The following ANKS1B variants were observed in gnomAD, a reference collection of about 807,000 sequenced individuals.
The protein encoded by ANKS1B is ankyrin repeat and sterile alpha motif domain containing 1B.
ANKS1B carries 36 observed loss-of-function variants against 148.3 expected under a neutral mutation model. The ratio of observed to expected loss-of-function variants is 0.24; its 90% confidence interval spans 0.19 to 0.32. ANKS1B has a LOEUF of 0.32. Among genes scored for constraint, ANKS1B ranks in the 10% least tolerant of loss-of-function variants. ANKS1B has a pLI of 1.00. For synonymous variants in ANKS1B, 542 were observed against 560.8 expected, an observed-to-expected ratio of 0.97 and a Z score of 0.47; for missense variants, 1,157 against 1,542.6, an observed-to-expected ratio of 0.75 and a Z score of 4.19.
At chr12:99,112,756 G>A (rs1566155727) in intron 15 of ANKS1B, among the ~76,000 whole-genome samples, 2 of 152,150 alleles carry the variant, frequency 1.3e-5, no homozygotes, top group African/African-American at 4.8e-5. Flanking sequence ...TGGAAATAGA[G>A]GTCATGGATA....
intron 17 of ANKS1B, among the ~76,000 whole-genome samples, chr12:98,959,791 C>T (rs979357921): frequency 6.6e-6 from 1 of 152,146 alleles, no homozygotes; most frequent in Non-Finnish European, 1.5e-5. Context: ...GCATTCATCA[C>T]AAGCTGACTG....
intron 1 of ANKS1B, among the ~76,000 whole-genome samples, chr12:99,911,642 T>G (rs2094008130): frequency 6.6e-6 from 1 of 152,194 alleles, no homozygotes. Flanking sequence ...TTATTAACTT[T>G]TTACTATAAA....
intron 25 of ANKS1B, among the ~76,000 whole-genome samples, chr12:98,763,166 T>C (rs1344754603): frequency 6.6e-6 from 1 of 152,208 alleles, no homozygotes; most frequent in Non-Finnish European, 1.5e-5. Context: ...TATATTTTGC[T>C]TGTACTTGTT....
At chr12:99,663,687 G>A (rs973849305) in intron 8 of ANKS1B, among the ~76,000 whole-genome samples, 16 of 148,950 alleles carry the variant, frequency 1.1e-4, no homozygotes, top group South Asian at 2.4e-4. Context: ...ACTATGTATG[G>A]TGATATTTTA....
chr12:98,735,731 G>A (rs2097769459), intron 9 of ANKS1B: 16 of 589,464 alleles, frequency 2.7e-5, no homozygotes, highest in Middle Eastern at 2.6e-4. Context: ...ATTGTGGTAG[G>A]TATTGGGAAC....
chr12:99,019,439 G>T (rs1193047682), intron 17 of ANKS1B, among the ~76,000 whole-genome samples: 2 of 152,062 alleles, frequency 1.3e-5, no homozygotes, highest in African/African-American at 4.8e-5. Flanking sequence ...GCTATTGTTT[G>T]GAAGAATCTG....
Position 99,497,523 on chromosome 12 carries a change from G to A in ANKS1B, c.1438+6953C>T, listed in dbSNP as rs953456893. Among the ~76,000 whole-genome samples the A allele has an allele frequency of 3.3e-5, 5 of 152,100 alleles. No individual in the cohort carries two copies. In the East Asian group the frequency reaches 9.6e-4, roughly 29 times the overall value. On this transcript the variant is annotated intron_variant, in intron 10 of 26. Coordinates refer to ENST00000683438, the MANE Select transcript of ANKS1B (RefSeq NM_001352186.2). ...GAAGGATCTGTCCCAGGCCTCCTTG[G>A]TTTGCGAATGGCTGCCTTTTCCTGT...
At chr12:99,762,051 T>A (rs557705088) in intron 8 of ANKS1B, among the ~76,000 whole-genome samples, 1 of 151,996 alleles carries the variant, frequency 6.6e-6, no homozygotes, top group Non-Finnish European at 1.5e-5. Context: ...TCAGAGATGA[T>A]ACAAAGAAAT....
rs574991767 is a variant in ANKS1B at position 99,013,187 on chromosome 12, C to G, written c.2778+39970G>C. 3.7e-4 allele frequency among the ~76,000 whole-genome samples: 57 copies of G among 152,322 alleles called. No individual in the cohort carries two copies. In the East Asian group the frequency reaches 9.3e-3, roughly 25 times the overall value. On this transcript the variant is annotated intron_variant, in intron 17 of 26. Coordinates refer to ENST00000683438, the MANE Select transcript of ANKS1B (RefSeq NM_001352186.2). ...GTCATTAATCCTGGGTGCCCAGACA[C>G]ATTCCATTAGAGGATTTTGGCAACA...
intron 17 of ANKS1B, among the ~76,000 whole-genome samples, chr12:98,962,423 C>T (rs1245725974): frequency 6.7e-6 from 1 of 149,740 alleles, no homozygotes; most frequent in Admixed American, 6.7e-5. Flanking sequence ...TATATTTTCA[C>T]CCAGTGCTAG....
At chr12:98,790,363 T>C (rs1459517855) in intron 22 of ANKS1B, among the ~76,000 whole-genome samples, 2 of 152,232 alleles carry the variant, frequency 1.3e-5, no homozygotes, top group Non-Finnish European at 2.9e-5. Context: ...GTGTCTTAGT[T>C]ACTTCATCTG....
chr12:99,457,300 A>G (rs888528208), intron 10 of ANKS1B, among the ~76,000 whole-genome samples: 1 of 152,090 alleles, frequency 6.6e-6, no homozygotes, highest in Non-Finnish European at 1.5e-5. Context: ...AATCCTCGAA[A>G]TACACCAAAA....
At chr12:99,169,777 G>T (rs80037341) in intron 14 of ANKS1B, among the ~76,000 whole-genome samples, 2,825 of 152,202 alleles carry the variant, frequency 0.019, 88 homozygotes, top group African/African-American at 0.064. Flanking sequence ...CTTTTATAGG[G>T]AATGAAAATA....
intron 15 of ANKS1B, among the ~76,000 whole-genome samples, chr12:99,146,670 C>T (rs979284338): frequency 6.6e-6 from 1 of 152,108 alleles, no homozygotes; most frequent in African/African-American, 2.4e-5. Flanking sequence ...ACTAAACAGG[C>T]CTTCAGAAAC....
Position 98,744,984 on chromosome 12 carries a change from T to C in ANKS1B, c.*755A>G, listed in dbSNP as rs1392584341. Reference sequence around the variant, plus strand: ...ATTATTTGAAATGAAACCAGAAACATCCCTCGCAACTAACCTAGTTTTCTT... The same window carrying C: ...ATTATTTGAAATGAAACCAGAAACACCCCTCGCAACTAACCTAGTTTTCTT... On this transcript the variant is annotated 3_prime_UTR_variant, in exon 27 of 27. Transcript: ENST00000683438. The C allele has an allele frequency of 3.0e-6, 3 of 985,638 alleles. No homozygotes were observed. The highest frequency in any genetic ancestry group is 3.6e-6 in the Non-Finnish European group (3 of 829,906). 61.1% of individuals were successfully genotyped at this position (985,638 alleles called of 1,614,324 possible).
intron 17 of ANKS1B, among the ~76,000 whole-genome samples, chr12:98,940,154 C>A (rs573059244): frequency 6.6e-6 from 1 of 152,302 alleles, no homozygotes; most frequent in East Asian, 1.9e-4. Context: ...CCCATGGGGT[C>A]CACTGGCAGG....
intron 1 of ANKS1B, among the ~76,000 whole-genome samples, chr12:99,955,492 C>CAAAAAAAAAAAAAAAAAA (rs61654867): frequency 7.9e-5 from 3 of 38,094 alleles, no homozygotes; most frequent in African/African-American, 2.8e-4. Flanking sequence ...AACTCCGTCT[C>CAAAAAAAAAAAAAAAAAA]AAAAAAAAAA....
At chr12:99,278,768 G>A (rs1259127016) in intron 12 of ANKS1B, among the ~76,000 whole-genome samples, 1 of 152,074 alleles carries the variant, frequency 6.6e-6, no homozygotes, top group African/African-American at 2.4e-5. Flanking sequence ...AATGGAGAAA[G>A]GTAAATACTT....
intron 17 of ANKS1B, among the ~76,000 whole-genome samples, chr12:98,942,499 C>T (rs2099838572): frequency 1.3e-5 from 2 of 152,284 alleles, no homozygotes; most frequent in South Asian, 4.2e-4. Context: ...GCTTCAGCTA[C>T]TCATCCTCCA....
Sources: allele counts gnomAD v4.1 joint callset (sites outside exome capture counted in the v4.1 genomes callset), GRCh38; gene constraint gnomAD v4.1.1; transcripts MANE v1.5; gene names NCBI Gene and HGNC (gene_info 2026-07-23, HGNC 2026-07-21).